TNFSF11: variants seen among roughly 807,000 people sequenced by gnomAD.
TNFSF11 encodes the protein TNF superfamily member 11.
In TNFSF11, 12 loss-of-function variants were observed where a neutral mutation model predicts 32.2. The ratio of observed to expected loss-of-function variants is 0.37; its 90% confidence interval spans 0.24 to 0.60. The LOEUF is 0.60. TNFSF11 is among the 20% of genes least tolerant of loss of function. The pLI is 0.66. For synonymous variants in TNFSF11, 172 were observed against 152.1 expected, an observed-to-expected ratio of 1.13 and a Z score of -0.96; for missense variants, 345 against 398.0, an observed-to-expected ratio of 0.87 and a Z score of 1.13.
chr13:42,599,181 C>A (rs1297998317), intron 2 of TNFSF11, among the ~76,000 whole-genome samples: 1 of 152,190 alleles, frequency 6.6e-6, no homozygotes, highest in Non-Finnish European at 1.5e-5. Context: ...GCTATCTCCT[C>A]CAACGGTCAT....
upstream of TNFSF11, among the ~76,000 whole-genome samples, chr13:42,570,264 T>A (rs1873015518): frequency 6.6e-6 from 1 of 152,178 alleles, no homozygotes; most frequent in South Asian, 2.1e-4. Flanking sequence ...TCTCAGCCCA[T>A]GACATGAGGT....
chr13:42,592,645 G>A (rs118105884), intron 2 of TNFSF11, among the ~76,000 whole-genome samples: 1,546 of 152,256 alleles, frequency 0.01, 10 homozygotes, highest in South Asian at 0.035. Flanking sequence ...GATGTCAACC[G>A]GGAGGTCAGG....
In TNFSF11 at chr13:42,599,718, C is replaced by G. The variant is rs564438555; in HGVS notation, c.388-1034C>G. ...TTGAGTAGCTGGGATTATAGGTACCCACAACCACACCTGGCTAATTTTTGT... is the reference window on the plus strand; with the variant it reads ...TTGAGTAGCTGGGATTATAGGTACCGACAACCACACCTGGCTAATTTTTGT... On this transcript the variant is annotated intron_variant, in intron 2 of 4. Coordinates refer to ENST00000398795, the MANE Select transcript of TNFSF11 (RefSeq NM_003701.4). Among the ~76,000 whole-genome samples, 549 of 152,156 alleles carry G rather than the reference C, an allele frequency of 3.6e-3. 1 individual carries two copies. The highest frequency in any genetic ancestry group is 5.6e-3 in the Non-Finnish European group (384 of 67,994).
chr13:42,592,620 T>C (rs971791328), intron 2 of TNFSF11, among the ~76,000 whole-genome samples: 1 of 152,218 alleles, frequency 6.6e-6, no homozygotes, highest in African/African-American at 2.4e-5. Context: ...ATTAAATCAT[T>C]GGCCATTGGT....
At chr13:42,567,635 G>C (rs779908837) in intron 2 of TNFSF11, among the ~76,000 whole-genome samples, 3 of 152,134 alleles carry the variant, frequency 2.0e-5, no homozygotes, top group Non-Finnish European at 4.4e-5. Flanking sequence ...ACCATGATGG[G>C]ATGGTAGGTC....
intron 2 of TNFSF11, among the ~76,000 whole-genome samples, chr13:42,583,516 T>G (rs1362139868): frequency 2.0e-5 from 3 of 148,816 alleles, no homozygotes; most frequent in Non-Finnish European, 4.5e-5. Flanking sequence ...TACCAACGGG[T>G]TAAAGGAAAA....
At chr13:42,580,296 A>G (rs1290328624) in intron 1 of TNFSF11, among the ~76,000 whole-genome samples, 1 of 152,228 alleles carries the variant, frequency 6.6e-6, no homozygotes, top group African/African-American at 2.4e-5. Flanking sequence ...GATTAAAGAT[A>G]TTCTAATGCT....
At chr13:42,597,913 G>T (rs572377248) in intron 2 of TNFSF11, among the ~76,000 whole-genome samples, 6 of 152,096 alleles carry the variant, frequency 3.9e-5, no homozygotes, top group Admixed American at 3.3e-4. Flanking sequence ...GCAGTGGCAC[G>T]TCACAGCTCA....
chr13:42,565,477 T>C (rs1872837695), intron 1 of TNFSF11, among the ~76,000 whole-genome samples: 1 of 152,184 alleles, frequency 6.6e-6, no homozygotes, highest in African/African-American at 2.4e-5. Context: ...TTATTCAGCA[T>C]TATATCTCTT....
chr13:42,571,810 C>A (rs952309327), upstream of TNFSF11: 1 of 152,174 alleles, frequency 6.6e-6, no homozygotes, highest in Non-Finnish European at 1.5e-5. Flanking sequence ...CTTCAGGGGG[C>A]AAGTGTGATT....
intron 2 of TNFSF11, among the ~76,000 whole-genome samples, chr13:42,600,018 GC>G (rs149101414): frequency 7.7e-4 from 118 of 152,264 alleles, no homozygotes; most frequent in African/African-American, 2.3e-3. Context: ...CCTTACTCTT[GC>G]CCTAAGATGT....
Position 42,607,047 on chromosome 13 carries a change from T to C in TNFSF11, c.*129T>C. On this transcript the variant is annotated 3_prime_UTR_variant, in exon 5 of 5. Transcript: ENST00000398795. ...GGCCCCAACGGTACACGACTCAGTA[T>C]CCATGCTCTTGACCTTGTAGAGAAC... The C allele has an allele frequency of 1.7e-6, 2 of 1,179,928 alleles. No homozygotes were observed. The highest frequency in any genetic ancestry group is 1.2e-6 in the Non-Finnish European group (1 of 819,778). 73.1% of individuals were successfully genotyped at this position (1,179,928 alleles called of 1,614,324 possible).
At position 42,583,359 on chromosome 13, in the gene TNFSF11, C is replaced by T. The variant is rs78253464; in HGVS notation, c.387+2066C>T. Among the ~76,000 whole-genome samples, 1,207 of 140,054 alleles carry T rather than the reference C, an allele frequency of 8.6e-3. 20 individuals are homozygous for T. The highest frequency in any genetic ancestry group is 0.031 in the African/African-American group (1,158 of 37,824). The allele number at this position is 140,054 out of a possible 152,430, so 91.9% of individuals were successfully genotyped here. On this transcript the variant is annotated intron_variant, in intron 2 of 4. Coordinates refer to ENST00000398795, the MANE Select transcript of TNFSF11 (RefSeq NM_003701.4). ...CCTGGGAGGTGGACGCTGCAGTGAG[C>T]TGCGGTTGCACCAGTGCACTCCAGC...
At chr13:42,578,889 T>C (rs1873451413) in intron 1 of TNFSF11, among the ~76,000 whole-genome samples, 1 of 152,240 alleles carries the variant, frequency 6.6e-6, no homozygotes, top group Non-Finnish European at 1.5e-5. Context: ...AATTTTAAAA[T>C]TGGTGTCAGG....
In TNFSF11 at chr13:42,607,276, G is replaced by A. The variant is rs765357641; in HGVS notation, c.*358G>A. ...TGAAGTGGAGAGGGTGTCATCTAGCGCAATTGAAGGATCATCTGAAGGGGC... is the reference window on the plus strand; with the variant it reads ...TGAAGTGGAGAGGGTGTCATCTAGCACAATTGAAGGATCATCTGAAGGGGC... On this transcript the variant is annotated 3_prime_UTR_variant, in exon 5 of 5. Coordinates refer to ENST00000398795, the MANE Select transcript of TNFSF11 (RefSeq NM_003701.4). The A allele has an allele frequency of 1.0e-5, 2 of 191,262 alleles. No individual in the cohort carries two copies. The highest frequency in any genetic ancestry group is 1.3e-4 in the South Asian group (1 of 7,628). 11.8% of individuals were successfully genotyped at this position (191,262 alleles called of 1,614,324 possible). A position where few individuals can be genotyped will look rare whatever the true frequency, so the allele number is the denominator to read the frequency against.
chr13:42,596,515 G>A (rs1868816032), intron 2 of TNFSF11, among the ~76,000 whole-genome samples: 1 of 151,974 alleles, frequency 6.6e-6, no homozygotes, highest in Admixed American at 6.6e-5. Context: ...AAAGGATATG[G>A]GCATACAGAT....
In TNFSF11 at chr13:42,595,619, A is replaced by C. The variant is rs532210387; in HGVS notation, c.388-5133A>C. 2.6e-5 allele frequency among the ~76,000 whole-genome samples: 4 copies of C among 152,328 alleles called. No homozygotes were observed. In the East Asian group the frequency reaches 7.7e-4, roughly 29 times the overall value. Reference sequence around the variant, plus strand: ...TGAGAGGTTTGTTGAAGTTACCTGCACTTCTCTACGCAAATCTACAGGCAT... The same window carrying C: ...TGAGAGGTTTGTTGAAGTTACCTGCCCTTCTCTACGCAAATCTACAGGCAT... On this transcript the variant is annotated intron_variant, in intron 2 of 4. Coordinates refer to ENST00000398795, the MANE Select transcript of TNFSF11 (RefSeq NM_003701.4).
intron 1 of TNFSF11, among the ~76,000 whole-genome samples, chr13:42,565,436 G>A (rs1872835889): frequency 6.6e-6 from 1 of 151,984 alleles, no homozygotes. Flanking sequence ...GCCTTAGAGT[G>A]TAAGCTTTGT....
In TNFSF11 at chr13:42,574,388, C is replaced by A. The variant is rs1187378958; in HGVS notation, c.85C>A (p.Pro29Thr). The A allele has an allele frequency of 2.6e-6, 4 of 1,549,010 alleles. No homozygotes were observed. Among genetic ancestry groups the A allele is most frequent in the Non-Finnish European group, 2.6e-6 (3 of 1,148,858 alleles). The change falls in exon 1 of 5, where the codon CCC becomes ACC. Residue 29 changes from proline (P) to threonine (T), a missense_variant. Pro to Thr is a conservative substitution (Grantham distance 38, BLOSUM62 -1). Coordinates refer to ENST00000398795, the MANE Select transcript of TNFSF11 (RefSeq NM_003701.4). ...CGGCCCCGGAGCCCCGCACGAGGGC[C>A]CCCTGCACGCCCCGCCGCCGCCTGC... is the stretch of plus-strand genomic sequence containing the variant. Reference protein sequence around the residue: ...GGGPGAPHEGPLHAPPPPAPH... With the variant: ...GGGPGAPHEGTLHAPPPPAPH...
Sources: allele counts gnomAD v4.1 joint callset (sites outside exome capture counted in the v4.1 genomes callset), GRCh38; gene constraint gnomAD v4.1.1; transcripts MANE v1.5; gene names NCBI Gene and HGNC (gene_info 2026-07-23, HGNC 2026-07-21).